COL24A1: variants seen among roughly 807,000 people sequenced by gnomAD.
The protein encoded by COL24A1 is collagen alpha-1(XXIV) chain.
A neutral mutation model predicts 253.9 loss-of-function variants in COL24A1; 224 were observed. That is an observed-to-expected ratio of 0.88 (90% CI 0.79 to 0.99). The LOEUF (loss-of-function observed/expected upper bound fraction) is 0.99, where lower values mean the gene tolerates loss of function less well. Among genes scored for constraint, COL24A1 ranks in the 50% least tolerant of loss-of-function variants. The pLI is 0.00. For missense variants in COL24A1, 2,131 were observed against 2,068.5 expected, an observed-to-expected ratio of 1.03 and a Z score of -0.59; for synonymous variants, 685 against 673.7, an observed-to-expected ratio of 1.02 and a Z score of -0.26.
At chr1:86,089,153 A>G in intron 7 of COL24A1, 21 bp downstream of exon 7, 1 of 1,565,354 alleles carries the variant, frequency 6.4e-7, no homozygotes, top group Non-Finnish European at 8.6e-7. Flanking sequence ...AAAAAAGAAA[A>G]GAAGTAAAAT....
chr1:85,955,088 A>T (rs576881543), intron 24 of COL24A1, among the ~76,000 whole-genome samples: 1 of 152,220 alleles, frequency 6.6e-6, no homozygotes, highest in East Asian at 1.9e-4. Flanking sequence ...CTGTGCCGCT[A>T]TAAGCCGGAT....
chr1:85,772,520 C>T (rs568770989), intron 53 of COL24A1, among the ~76,000 whole-genome samples: 105 of 151,780 alleles, frequency 6.9e-4, no homozygotes, highest in African/African-American at 2.2e-3. Flanking sequence ...ATGTTTATTG[C>T]GGCGTTATTC....
intron 47 of COL24A1, among the ~76,000 whole-genome samples, chr1:85,801,201 T>C (rs892027703): frequency 1.3e-5 from 2 of 152,216 alleles, no homozygotes; most frequent in African/African-American, 2.4e-5. Flanking sequence ...AGCTTGGTTC[T>C]GGACCTCCTT....
At chr1:85,842,216 G>A in intron 40 of COL24A1, 95 bp from the exon 41 acceptor site, 1 of 1,371,020 alleles carries the variant, frequency 7.3e-7, no homozygotes, top group Non-Finnish European at 1.0e-6. Context: ...TGTCTAGGAG[G>A]ATGAGACCTA....
chr1:85,781,452 C>T (rs185330663), intron 51 of COL24A1, among the ~76,000 whole-genome samples, 179 bp from the exon 52 acceptor site: 347 of 152,168 alleles, frequency 2.3e-3, no homozygotes, highest in Middle Eastern at 6.8e-3. Flanking sequence ...TGACACAATT[C>T]TGCATATTAT....
intron 19 of COL24A1, among the ~76,000 whole-genome samples, chr1:86,013,790 G>A (rs1052859194): frequency 1.3e-5 from 2 of 152,018 alleles, no homozygotes; most frequent in Admixed American, 6.6e-5. Flanking sequence ...GAGCCCAGAC[G>A]GCACCACTGC....
intron 24 of COL24A1, among the ~76,000 whole-genome samples, chr1:85,914,374 A>G (rs991172192): frequency 3.0e-4 from 34 of 112,456 alleles, no homozygotes; most frequent in African/African-American, 1.0e-3. Context: ...TTTTCTTCTC[A>G]TTTCTTTTTT....
chr1:86,114,739 T>C (rs1705959138), intron 4 of COL24A1, among the ~76,000 whole-genome samples: 1 of 152,204 alleles, frequency 6.6e-6, no homozygotes, highest in Non-Finnish European at 1.5e-5. Context: ...GTATTTGCAT[T>C]TGTCATACAA....
In COL24A1 at chr1:86,112,559, T is replaced by C; in HGVS notation, c.1599+8A>G. ...TTAGCTTAAGTTGCCTGATTAGTAG[T>C]CACTTACCTTTGGACCAGGTAATCC... On this transcript the variant is annotated splice_region_variant and intron_variant, in intron 5 of 59. Coordinates refer to ENST00000370571, the MANE Select transcript of COL24A1 (RefSeq NM_152890.7). The C allele has an allele frequency of 4.3e-6, 7 of 1,611,360 alleles. No individual in the cohort carries two copies. Among genetic ancestry groups the C allele is most frequent in the Non-Finnish European group, 4.2e-6 (5 of 1,178,144 alleles).
At chr1:86,120,232 G>A (rs1557702604) in intron 3 of COL24A1, among the ~76,000 whole-genome samples, 2 of 152,172 alleles carry the variant, frequency 1.3e-5, no homozygotes, top group African/African-American at 2.4e-5. Context: ...ACAGGCATGG[G>A]CAAGGATTTC....
intron 53 of COL24A1, among the ~76,000 whole-genome samples, chr1:85,775,061 G>A (rs1246902551): frequency 2.0e-5 from 3 of 152,066 alleles, no homozygotes; most frequent in Admixed American, 2.0e-4. Context: ...AGAGATTCTG[G>A]TACATTGTGT....
chr1:85,887,000 C>A (rs1682589054), intron 32 of COL24A1, among the ~76,000 whole-genome samples: 1 of 152,100 alleles, frequency 6.6e-6, no homozygotes, highest in African/African-American at 2.4e-5. Context: ...TAATGAGGAA[C>A]TGAGTGAAGT....
Position 86,125,084 on chromosome 1 carries a change from T to G in COL24A1, c.1252A>C (p.Thr418Pro), listed in dbSNP as rs1166771774. Reference protein sequence around the residue: ...LKKAITANLHTNELMEMQPIL... With the variant: ...LKKAITANLHPNELMEMQPIL... Reference sequence around the variant, plus strand: ...GGTTGCATTTCCATGAGTTCGTTAGTGTGTAGATTTGCTGTGATAGCCTTC... The same window carrying G: ...GGTTGCATTTCCATGAGTTCGTTAGGGTGTAGATTTGCTGTGATAGCCTTC... Residue 418 changes from threonine to proline, a missense_variant, in exon 3 of 60, where the codon ACT (threonine) becomes CCT (proline). Transcript: ENST00000370571. The G allele has an allele frequency of 6.2e-7, 1 of 1,613,192 alleles. No individual in the cohort carries two copies. Among genetic ancestry groups the G allele is most frequent in the Admixed American group, 1.7e-5 (1 of 59,842 alleles).
At chr1:86,153,493 T>C (rs1412665981) in intron 1 of COL24A1, among the ~76,000 whole-genome samples, 4 of 152,216 alleles carry the variant, frequency 2.6e-5, no homozygotes, top group African/African-American at 9.6e-5. Context: ...TTGTCTTTAC[T>C]TCTCATTAGA....
At chr1:86,066,744 A>T (rs1007885299) in intron 7 of COL24A1, among the ~76,000 whole-genome samples, 1 of 152,186 alleles carries the variant, frequency 6.6e-6, no homozygotes, top group African/African-American at 2.4e-5. Context: ...ATTATTGCTA[A>T]TTTTTTATTG....
At chr1:85,968,874 T>A (rs1279942136) in intron 22 of COL24A1, among the ~76,000 whole-genome samples, 1 of 152,172 alleles carries the variant, frequency 6.6e-6, no homozygotes, top group East Asian at 1.9e-4. Flanking sequence ...TAACTTCTTG[T>A]CCTACTTAAA....
chr1:86,144,110 G>A (rs1651534027), intron 2 of COL24A1, among the ~76,000 whole-genome samples: 1 of 151,952 alleles, frequency 6.6e-6, no homozygotes, highest in Non-Finnish European at 1.5e-5. Context: ...TAAAGTCTGA[G>A]AGGTTTTCTA....
chr1:85,874,593 T>C (rs908913394), intron 35 of COL24A1, 56 bp downstream of exon 35: 6 of 1,487,296 alleles, frequency 4.0e-6, no homozygotes, highest in Non-Finnish European at 5.6e-6. Flanking sequence ...TAATAAGTTT[T>C]GAGCCTCTGA....
chr1:86,046,400 G>A (rs993705564), intron 12 of COL24A1, among the ~76,000 whole-genome samples: 1 of 152,016 alleles, frequency 6.6e-6, no homozygotes, highest in Non-Finnish European at 1.5e-5. Context: ...CTGAAAATAT[G>A]AGAAGCTGTT....
Sources: allele counts gnomAD v4.1 joint callset (sites outside exome capture counted in the v4.1 genomes callset), GRCh38; gene constraint gnomAD v4.1.1; transcripts MANE v1.5; gene names NCBI Gene and HGNC (gene_info 2026-07-23, HGNC 2026-07-21).